SYNE1: variants seen among roughly 807,000 people sequenced by gnomAD.
The protein encoded by SYNE1 is spectrin repeat containing nuclear envelope protein 1, also known as nesprin-1.
In SYNE1, 616 loss-of-function variants were observed where a neutral mutation model predicts 1,111.0. The observed-to-expected ratio is 0.55, with a 90% CI of 0.52 to 0.59. SYNE1 has a LOEUF of 0.59. Ranked by LOEUF, SYNE1 falls within the 20% of genes least tolerant of loss-of-function variation. The probability of loss-of-function intolerance (pLI) is 0.00; values close to 1 mark genes in which losing one functional copy is unlikely to be tolerated. For synonymous variants in SYNE1, 3,855 were observed against 3,825.8 expected, an observed-to-expected ratio of 1.01 and a Z score of -0.28; for missense variants, 10,006 against 10,417.0, an observed-to-expected ratio of 0.96 and a Z score of 1.72.
intron 104 of SYNE1, among the ~76,000 whole-genome samples, chr6:152,253,820 T>G (rs938076383): frequency 1.3e-4 from 6 of 47,176 alleles, no homozygotes; most frequent in Non-Finnish European, 1.3e-4. Flanking sequence ...GTGGTTTGGT[T>G]TTTTTTTTTT....
intron 3 of SYNE1, among the ~76,000 whole-genome samples, chr6:152,541,613 TG>T (rs1381812835): frequency 6.6e-6 from 1 of 151,928 alleles, no homozygotes; most frequent in Non-Finnish European, 1.5e-5. Flanking sequence ...CCGGGTGTGC[TG>T]GCGGGCCTCT....
intron 127 of SYNE1, among the ~76,000 whole-genome samples, chr6:152,193,865 T>C (rs916586545): frequency 1.3e-5 from 2 of 151,586 alleles, no homozygotes; most frequent in African/African-American, 4.8e-5. Context: ...TACAAAAAAT[T>C]AGCCGGGCGT....
chr6:152,387,034 G>A (rs1365162217), intron 54 of SYNE1, 38 bp downstream of exon 54: 17 of 1,519,162 alleles, frequency 1.1e-5, no homozygotes, highest in Admixed American at 3.5e-5. Flanking sequence ...TTGTATTAAT[G>A]TATTATAAAG....
intron 145 of SYNE1, chr6:152,125,522 A>G (rs2053095402): frequency 2.3e-6 from 2 of 874,150 alleles, no homozygotes; most frequent in Admixed American, 3.2e-5. Flanking sequence ...TGTCTTAAGA[A>G]GGATAGGATA....
At chr6:152,139,745 G>GAAAGAAAGA (rs2058122739) in intron 140 of SYNE1, among the ~76,000 whole-genome samples, 1 of 141,848 alleles carries the variant, frequency 7.0e-6, no homozygotes, top group Non-Finnish European at 1.5e-5. Flanking sequence ...AAGAAAGAAA[G>GAAAGAAAGA]AAAGAAAAGA....
intron 51 of SYNE1, among the ~76,000 whole-genome samples, chr6:152,393,931 C>A (rs2097688977): frequency 6.6e-6 from 1 of 152,166 alleles, no homozygotes; most frequent in Admixed American, 6.5e-5. Context: ...CACCCATCAA[C>A]CTGTCATCTA....
chr6:152,390,433 C>A lies in SYNE1; in HGVS notation c.8024G>T (p.Gly2675Val), dbSNP rs1430196419. The change falls in exon 53 of 146, where the codon GGT becomes GTT. Residue 2675 changes from glycine to valine, a missense_variant. By Grantham distance (109) the Gly-to-Val change is moderately radical (BLOSUM62 -3). Transcript: ENST00000367255. ...SQIQDILLMK[G>V]EGEVKLNMAI... Reference sequence around the variant, plus strand: ...CATATTCAACTTAACTTCCCCTTCACCTTTCATCAGGAGAATATCCTGGGA... The same window carrying A: ...CATATTCAACTTAACTTCCCCTTCAACTTTCATCAGGAGAATATCCTGGGA... 3.7e-6 allele frequency: 6 copies of A among 1,614,078 alleles called. No homozygotes were observed. The South Asian group carries it at 6.6e-5, about 18-fold the overall frequency.
At chr6:152,551,891 CA>C (rs1402702644) in intron 3 of SYNE1, among the ~76,000 whole-genome samples, 1 of 152,194 alleles carries the variant, frequency 6.6e-6, no homozygotes, top group Non-Finnish European at 1.5e-5. Flanking sequence ...ACAAACTTGC[CA>C]CATGTAGCCA....
chr6:152,590,901 GT>G (rs5880985), intron 3 of SYNE1, among the ~76,000 whole-genome samples: 1 of 152,226 alleles, frequency 6.6e-6, no homozygotes, highest in East Asian at 1.9e-4. Context: ...TTTTAGAATA[GT>G]TTTTTTCTAA....
At chr6:152,151,495 C>T (rs745757369) in intron 135 of SYNE1, 58 bp downstream of exon 135, 275 of 1,607,858 alleles carry the variant, frequency 1.7e-4, no homozygotes, top group Non-Finnish European at 2.2e-4. Context: ...AAAAGAGCCA[C>T]AAATCCTTTC....
At chr6:152,627,128 T>C (rs2099687306) in intron 3 of SYNE1, among the ~76,000 whole-genome samples, 1 of 152,194 alleles carries the variant, frequency 6.6e-6, no homozygotes, top group Non-Finnish European at 1.5e-5. Context: ...CTTGAAACCA[T>C]GCATTTGAAG....
intron 3 of SYNE1, among the ~76,000 whole-genome samples, chr6:152,623,432 C>T (rs919363531): frequency 6.6e-6 from 1 of 152,102 alleles, no homozygotes. Flanking sequence ...AGAAGACAAC[C>T]TGGGCAATAC....
Position 152,436,251 on chromosome 6 carries a change from T to C in SYNE1, c.4150-150A>G, listed in dbSNP as rs955177410. On this transcript the variant is annotated intron_variant, in intron 32 of 145. Transcript: ENST00000367255. ...ATCTTACATTGTTCTTAACAATAAA[T>C]CTGACTTATTTCCATATGGCCAAAA... is the stretch of plus-strand genomic sequence containing the variant. The C allele has an allele frequency of 4.7e-6, 4 of 851,164 alleles. No individual in the cohort carries two copies. The African/African-American group carries it at 6.9e-5, about 15-fold the overall frequency. 52.7% of individuals were successfully genotyped at this position (851,164 alleles called of 1,614,324 possible).
intron 34 of SYNE1, among the ~76,000 whole-genome samples, chr6:152,432,985 A>C (rs1592595926): frequency 6.6e-6 from 1 of 151,904 alleles, no homozygotes; most frequent in African/African-American, 2.4e-5. Flanking sequence ...CCCACCCTCC[A>C]CATGGTAACG....
rs147179306 is a variant in SYNE1, at chr6:152,580,180, A to G, written c.68-40159T>C. 5.5e-3 allele frequency among the ~76,000 whole-genome samples: 844 copies of G among 152,086 alleles called. 8 individuals are homozygous for G. The highest frequency in any genetic ancestry group is 0.018 in the African/African-American group (762 of 41,476). Reference sequence around the variant, plus strand: ...CTCCACAACCTTACCAGCATCTGTCATTTCTTGACTTTTTAGTAATAGCTA... The same window carrying G: ...CTCCACAACCTTACCAGCATCTGTCGTTTCTTGACTTTTTAGTAATAGCTA... On this transcript the variant is annotated intron_variant, in intron 3 of 145. Transcript: ENST00000367255.
chr6:152,351,339 C>T lies in SYNE1; in HGVS notation c.11581-569G>A, dbSNP rs140699622. On this transcript the variant is annotated intron_variant, in intron 70 of 145. Transcript: ENST00000367255. ...GAAATAGACATTGGCTGGAAGAGGC[C>T]GTCACAGAAGCTTCCAACAGGGAAA... Among the ~76,000 whole-genome samples, 492 of 152,268 alleles carry T rather than the reference C, an allele frequency of 3.2e-3. 1 individual carries two copies. The highest frequency in any genetic ancestry group is 5.2e-3 in the African/African-American group (218 of 41,548).
Position 152,130,750 on chromosome 6 carries a change from G to A in SYNE1, c.26123C>T (p.Pro8708Leu), listed in dbSNP as rs2055341233. The A allele has an allele frequency of 1.9e-6, 3 of 1,614,198 alleles. No homozygotes were observed. The highest frequency in any genetic ancestry group is 2.2e-5 in the South Asian group (2 of 91,074). ...ATGTGGACTGCTGACAGAGGGTCCA[G>A]GCTGTGAGAGACTACACTTGCCTCG... ...TPRGKCSLSQ[P>L]GPSVSSPHSR... The change falls in exon 145 of 146, where the codon CCT becomes CTT. Residue 8708 changes from proline to leucine, a missense_variant. By Grantham distance (98) the Pro-to-Leu change is moderately conservative. Coordinates refer to ENST00000367255, the MANE Select transcript of SYNE1 (RefSeq NM_182961.4).
At chr6:152,491,763 G>A (rs968827421) in intron 11 of SYNE1, among the ~76,000 whole-genome samples, 10 of 151,990 alleles carry the variant, frequency 6.6e-5, no homozygotes, top group African/African-American at 2.2e-4. Context: ...TTTCTCTCCT[G>A]TCTGTTCCTT....
intron 98 of SYNE1, 123 bp from the exon 99 acceptor site, chr6:152,269,409 A>C: frequency 7.0e-7 from 1 of 1,433,692 alleles, no homozygotes; most frequent in South Asian, 1.2e-5. Context: ...TGGGATGTGA[A>C]ACCACATTTT....
Sources: allele counts gnomAD v4.1 joint callset (sites outside exome capture counted in the v4.1 genomes callset), GRCh38; gene constraint gnomAD v4.1.1; transcripts MANE v1.5; gene names NCBI Gene and HGNC (gene_info 2026-07-23, HGNC 2026-07-21).